Variants in MYT1L observed in about 807,000 individuals in gnomAD.
The protein encoded by MYT1L is myelin transcription factor 1-like protein.
Under a neutral mutation model 126.7 loss-of-function variants are expected in MYT1L, and 12 were observed. That is an observed-to-expected ratio of 0.09 (90% CI 0.06 to 0.15). The LOEUF (loss-of-function observed/expected upper bound fraction) is 0.15, where lower values mean the gene tolerates loss of function less well. Among genes scored for constraint, MYT1L ranks in the 10% least tolerant of loss-of-function variants. MYT1L has a pLI of 1.00. For synonymous variants in MYT1L, 541 were observed against 604.2 expected (o/e 0.90, Z 1.53); for missense variants, 979 against 1,585.2 (o/e 0.62, Z 6.49).
intron 4 of MYT1L, among the ~76,000 whole-genome samples, chr2:2,039,315 A>C (rs1021064287): frequency 6.6e-6 from 1 of 151,956 alleles, no homozygotes; most frequent in Non-Finnish European, 1.5e-5. Flanking sequence ...TGGTGGGAGG[A>C]TCGCTTGGGC....
At chr2:1,844,856 C>T (rs543501875) in intron 19 of MYT1L, among the ~76,000 whole-genome samples, 5 of 152,300 alleles carry the variant, frequency 3.3e-5, no homozygotes, top group Admixed American at 2.6e-4. Context: ...ATTTGCAGGC[C>T]CTTCCCGAGC....
chr2:2,295,916 C>A, intron 1 of MYT1L, among the ~76,000 whole-genome samples: 1 of 129,854 alleles, frequency 7.7e-6, no homozygotes, highest in Non-Finnish European at 1.6e-5. Flanking sequence ...AATAATAAAG[C>A]TAGAGAGAGA....
At chr2:1,933,331 G>C (rs1251822131) in intron 9 of MYT1L, among the ~76,000 whole-genome samples, 1 of 152,112 alleles carries the variant, frequency 6.6e-6, no homozygotes, top group Admixed American at 6.5e-5. Flanking sequence ...AAGTTCAGGC[G>C]ACACAGATTC....
intron 2 of MYT1L, among the ~76,000 whole-genome samples, chr2:2,206,786 C>T (rs1038360919): frequency 6.6e-6 from 1 of 152,202 alleles, no homozygotes; most frequent in African/African-American, 2.4e-5. Context: ...TGCCTACTTA[C>T]TCTCCTACTA....
intron 10 of MYT1L, among the ~76,000 whole-genome samples, chr2:1,921,885 G>A (rs11127303): frequency 0.03 from 4,559 of 152,194 alleles, 93 homozygotes; most frequent in Non-Finnish European, 0.046. Context: ...TTTATAAAAT[G>A]TGTGCTTTAT....
intron 1 of MYT1L, among the ~76,000 whole-genome samples, chr2:2,307,552 C>T (rs2095874914): frequency 6.6e-6 from 1 of 152,026 alleles, no homozygotes; most frequent in Non-Finnish European, 1.5e-5. Flanking sequence ...ATACAAAAAC[C>T]TTCAGTAATT....
chr2:1,816,870 C>T (rs1167721234), intron 21 of MYT1L: 6 of 152,592 alleles, frequency 3.9e-5, no homozygotes, highest in African/African-American at 1.2e-4. Context: ...GAGAGGTAGA[C>T]GAGAGGACCC....
rs1040590725 is a variant in MYT1L at position 1,793,634 on chromosome 2, C to T, written c.3277-1170G>A. Among the ~76,000 whole-genome samples, 5 of 152,310 alleles carry T rather than the reference C, an allele frequency of 3.3e-5. No individual in the cohort carries two copies. The highest frequency in any genetic ancestry group is 6.5e-5 in the Admixed American group (1 of 15,300). On this transcript the variant is annotated intron_variant, in intron 23 of 24. Coordinates refer to ENST00000647738, the MANE Select transcript of MYT1L (RefSeq NM_001303052.2). This position sits in a 1 kb window ranked among gnomAD's most constrained non-coding sequence, Gnocchi z 4.6. ...GACCCTCTGTTAGAAAACTGAAGCA[C>T]CTCAGAGGCGCCCTCCAGGATGAAG...
chr2:1,804,413 C>T lies in MYT1L; in HGVS notation c.3173-2614G>A, dbSNP rs572636290. Among the ~76,000 whole-genome samples, 13 of 152,242 alleles carry T rather than the reference C, an allele frequency of 8.5e-5. No individual in the cohort carries two copies. The South Asian group carries it at 1.2e-3, about 15-fold the overall frequency. On this transcript the variant is annotated intron_variant, in intron 22 of 24. Transcript: ENST00000647738. ...CTGGGATTACAGGCGTGAGCCACCG[C>T]GCCCAGCCACAACTAGGGTTTTATA...
At chr2:1,795,996 G>C (rs946797554) in intron 23 of MYT1L, among the ~76,000 whole-genome samples, 1 of 152,182 alleles carries the variant, frequency 6.6e-6, no homozygotes, top group African/African-American at 2.4e-5. Context: ...TGAAAGCTAA[G>C]ACTAAGCTAA....
Position 2,059,378 on chromosome 2 carries a change from C to T in MYT1L, c.-303-5255G>A, listed in dbSNP as rs750379754. 3.3e-5 allele frequency among the ~76,000 whole-genome samples: 5 copies of T among 152,210 alleles called. No homozygotes were observed. The highest frequency in any genetic ancestry group is 2.1e-4 in the South Asian group (1 of 4,830). ...CACCGCAGTAAGCACCCGACGGTCT[C>T]GTGGCACCATAGTAAGCACCCGGCG... On this transcript the variant is annotated intron_variant, in intron 3 of 24. Coordinates refer to ENST00000647738, the MANE Select transcript of MYT1L (RefSeq NM_001303052.2). This position sits in a 1 kb window ranked among gnomAD's most constrained non-coding sequence, Gnocchi z 4.7.
chr2:1,933,330 C>A (rs972881340), intron 9 of MYT1L, among the ~76,000 whole-genome samples: 1 of 152,044 alleles, frequency 6.6e-6, no homozygotes, highest in South Asian at 2.1e-4. Context: ...GAAGTTCAGG[C>A]GACACAGATT....
chr2:2,129,103 G>C (rs895989313), intron 3 of MYT1L, among the ~76,000 whole-genome samples: 1 of 152,178 alleles, frequency 6.6e-6, no homozygotes, highest in Non-Finnish European at 1.5e-5. Flanking sequence ...AGAAAACCTC[G>C]TTCACTGAGA....
chr2:2,211,811 A>AAAAAAACAATCAAACAAAC (rs1395527381), intron 2 of MYT1L, among the ~76,000 whole-genome samples: 1 of 148,340 alleles, frequency 6.7e-6, no homozygotes, highest in African/African-American at 2.5e-5. Context: ...GTCAAAAAAA[A>AAAAAAACAATCAAACAAAC]AAAAAAAAAA....
intron 2 of MYT1L, among the ~76,000 whole-genome samples, chr2:2,234,524 TACAG>T (rs932970125): frequency 1.3e-5 from 2 of 152,308 alleles, no homozygotes; most frequent in South Asian, 2.1e-4. Flanking sequence ...CCAAGAAGGT[TACAG>T]ACAAAGACAA....
chr2:1,843,209 T>C (rs1048128127), intron 19 of MYT1L, among the ~76,000 whole-genome samples: 3 of 152,246 alleles, frequency 2.0e-5, no homozygotes, highest in Admixed American at 6.5e-5. Flanking sequence ...TGGGCCTGGC[T>C]GTCCTCACAG....
chr2:2,121,924 C>T (rs1290942781), intron 3 of MYT1L, among the ~76,000 whole-genome samples: 4 of 152,176 alleles, frequency 2.6e-5, no homozygotes, highest in African/African-American at 9.6e-5. Flanking sequence ...ATGAGACCAC[C>T]CGGGAAGGAA....
chr2:1,808,028 TGCC>T (rs2035987624), intron 22 of MYT1L, among the ~76,000 whole-genome samples: 1 of 152,134 alleles, frequency 6.6e-6, no homozygotes, highest in African/African-American at 2.4e-5. Context: ...TTCTCTCTCC[TGCC>T]GCCATGTGAA....
chr2:2,186,687 A>C (rs895755473), intron 2 of MYT1L, among the ~76,000 whole-genome samples: 5 of 152,308 alleles, frequency 3.3e-5, no homozygotes, highest in Admixed American at 1.3e-4. Flanking sequence ...ACACTTACTA[A>C]CTCTTGACCC....
Sources: allele counts gnomAD v4.1 joint callset (sites outside exome capture counted in the v4.1 genomes callset), GRCh38; gene constraint gnomAD v4.1.1; non-coding constraint Gnocchi (gnomAD v3.1); transcripts MANE v1.5; gene names NCBI Gene and HGNC (gene_info 2026-07-23, HGNC 2026-07-21).